Variants in GNAQ observed in about 807,000 individuals in gnomAD.
The protein encoded by GNAQ is G protein subunit alpha q, also known as guanine nucleotide-binding protein G(q) subunit alpha.
In GNAQ, 8 loss-of-function variants were observed where a neutral mutation model predicts 43.9. That is an observed-to-expected ratio of 0.18 (90% CI 0.11 to 0.33). The LOEUF (loss-of-function observed/expected upper bound fraction) is 0.33. GNAQ is among the 10% of genes least tolerant of loss of function. The pLI is 1.00. For missense variants in GNAQ, 158 were observed against 450.8 expected, an observed-to-expected ratio of 0.35 and a Z score of 5.88; for synonymous variants, 155 against 170.7, an observed-to-expected ratio of 0.91 and a Z score of 0.71.
intron 5 of GNAQ, among the ~76,000 whole-genome samples, chr9:77,738,877 A>ATT (rs148784350): frequency 2.7e-5 from 4 of 148,834 alleles, no homozygotes; most frequent in African/African-American, 9.8e-5. Context: ...TAGTCTAAGC[A>ATT]TTTTTTTTTT....
At chr9:77,873,334 C>T (rs1184448886) in intron 2 of GNAQ, among the ~76,000 whole-genome samples, 1 of 152,160 alleles carries the variant, frequency 6.6e-6, no homozygotes, top group East Asian at 1.9e-4. Context: ...CTTAACTTTA[C>T]CCCCAAGGGA....
chr9:77,859,774 G>C lies in GNAQ; in HGVS notation c.322-44004C>G, dbSNP rs543820242. Among the ~76,000 whole-genome samples, 22 of 152,286 alleles carry C rather than the reference G, an allele frequency of 1.4e-4. No individual in the cohort carries two copies. In the South Asian group the frequency reaches 4.4e-3, roughly 30 times the overall value. ...TTAAAGTACCTTTAGACTAGCATCAGCCATACAGAATGCAGTAAAATATGA... is the reference window on the plus strand; with the variant it reads ...TTAAAGTACCTTTAGACTAGCATCACCCATACAGAATGCAGTAAAATATGA... On this transcript the variant is annotated intron_variant, in intron 2 of 6. Transcript: ENST00000286548.
At chr9:77,977,150 G>T (rs375725147) in intron 1 of GNAQ, among the ~76,000 whole-genome samples, 1 of 152,030 alleles carries the variant, frequency 6.6e-6, no homozygotes, top group Non-Finnish European at 1.5e-5. Context: ...AGACACACTG[G>T]ATAAAGGCAA....
chr9:77,797,632 C>A lies in GNAQ; in HGVS notation c.493G>T (p.Asp165Tyr), dbSNP rs1826678593. The A allele has an allele frequency of 1.2e-6, 2 of 1,613,414 alleles. No individual in the cohort carries two copies. Among genetic ancestry groups the A allele is most frequent in the Non-Finnish European group, 1.7e-6 (2 of 1,179,722 alleles). The change falls in exon 4 of 7, where the codon GAC (aspartate) becomes TAC (tyrosine). Residue 165 changes from aspartate to tyrosine, a missense_variant. Coordinates refer to ENST00000286548, the MANE Select transcript of GNAQ (RefSeq NM_002072.5). ...DSTKYYLNDLDRVADPAYLPT... is the reference protein window; with the variant it reads ...DSTKYYLNDLYRVADPAYLPT... ...AGGTAGGCAGGGTCAGCTACGCGGT[C>A]CAAGTCATTAAGATAGCTAGAGGAG...
chr9:77,956,147 T>C (rs1417487306), intron 1 of GNAQ, among the ~76,000 whole-genome samples: 3 of 152,224 alleles, frequency 2.0e-5, no homozygotes, highest in Non-Finnish European at 2.9e-5. Context: ...AAGTGTTTTA[T>C]ATATGTTCAT....
At chr9:77,902,125 G>A (rs1346515553) in intron 2 of GNAQ, among the ~76,000 whole-genome samples, 1 of 152,114 alleles carries the variant, frequency 6.6e-6, no homozygotes, top group Non-Finnish European at 1.5e-5. Context: ...CATAAATAGG[G>A]TTACTAATGC....
intron 3 of GNAQ, among the ~76,000 whole-genome samples, chr9:77,801,117 T>C (rs980846799): frequency 3.3e-5 from 5 of 152,164 alleles, no homozygotes; most frequent in South Asian, 2.1e-4. Context: ...TGCCACTCCA[T>C]AGTAAAGCAC....
intron 5 of GNAQ, among the ~76,000 whole-genome samples, chr9:77,763,688 G>C (rs767265667): frequency 6.6e-6 from 1 of 152,152 alleles, no homozygotes; most frequent in Non-Finnish European, 1.5e-5. Context: ...CTGTGAATAC[G>C]ACTGAGCTGT....
chr9:77,911,195 A>G (rs1828796226), intron 2 of GNAQ, among the ~76,000 whole-genome samples: 1 of 152,184 alleles, frequency 6.6e-6, no homozygotes, highest in African/African-American at 2.4e-5. Context: ...ATGAGATGAA[A>G]AACAATGCAG....
intron 2 of GNAQ, among the ~76,000 whole-genome samples, chr9:77,821,854 G>A (rs1201545931): frequency 6.6e-6 from 1 of 151,948 alleles, no homozygotes; most frequent in African/African-American, 2.4e-5. Flanking sequence ...TGAAAAGAGA[G>A]ATTAAAGATA....
At chr9:77,947,633 G>A (rs1822920608) in intron 1 of GNAQ, among the ~76,000 whole-genome samples, 1 of 152,196 alleles carries the variant, frequency 6.6e-6, no homozygotes, top group Admixed American at 6.5e-5. Context: ...CCACAACAAT[G>A]AAATTCCCAT....
intron 2 of GNAQ, among the ~76,000 whole-genome samples, chr9:77,831,810 A>G (rs2043636): frequency 0.61 from 92,375 of 152,048 alleles, 28,907 homozygotes; most frequent in Middle Eastern, 0.71. Context: ...AAATCTTTAA[A>G]GAAAATGGAT....
chr9:77,897,480 C>T (rs1287161981), intron 2 of GNAQ, among the ~76,000 whole-genome samples: 2 of 152,144 alleles, frequency 1.3e-5, no homozygotes, highest in Non-Finnish European at 2.9e-5. Flanking sequence ...CACAGTGAAG[C>T]CACCAGGGGC....
intron 2 of GNAQ, among the ~76,000 whole-genome samples, chr9:77,822,825 T>A (rs1278600306): frequency 6.6e-6 from 1 of 152,144 alleles, no homozygotes; most frequent in Non-Finnish European, 1.5e-5. Flanking sequence ...AATACCTTGC[T>A]TAAATGCCCC....
At chr9:77,833,712 T>C (rs893370808) in intron 2 of GNAQ, among the ~76,000 whole-genome samples, 2 of 152,222 alleles carry the variant, frequency 1.3e-5, no homozygotes, top group Admixed American at 6.5e-5. Context: ...GAAGCAAGCA[T>C]GCTCCACTTC....
intron 2 of GNAQ, among the ~76,000 whole-genome samples, chr9:77,829,460 G>A (rs1269827025): frequency 6.6e-6 from 1 of 152,152 alleles, no homozygotes; most frequent in Admixed American, 6.5e-5. Flanking sequence ...TAAATAAAGT[G>A]GAAAAGCCAA....
chr9:77,805,785 T>C (rs1270001551), intron 3 of GNAQ, among the ~76,000 whole-genome samples: 1 of 152,190 alleles, frequency 6.6e-6, no homozygotes, highest in East Asian at 1.9e-4. Flanking sequence ...CTACCATTTA[T>C]GAATGCTGTT....
chr9:77,840,733 A>G (rs373690635), intron 2 of GNAQ, among the ~76,000 whole-genome samples: 36 of 152,334 alleles, frequency 2.4e-4, no homozygotes, highest in African/African-American at 7.0e-4. Context: ...ATGAATTATC[A>G]GTCTTCCATT....
chr9:77,814,709 T>C (rs1826984455), intron 3 of GNAQ, among the ~76,000 whole-genome samples: 1 of 152,178 alleles, frequency 6.6e-6, no homozygotes, highest in African/African-American at 2.4e-5. Context: ...AAGGGCCCAC[T>C]CTCATCCAGT....
Sources: gnomAD v4.1 joint callset for allele counts (sites outside exome capture counted in the v4.1 genomes callset) on GRCh38, gnomAD v4.1.1 for gene constraint, MANE v1.5 for transcripts, NCBI Gene and HGNC (gene_info 2026-07-23, HGNC 2026-07-21) for gene names.